MMP16: variants seen among roughly 807,000 people sequenced by gnomAD.
MMP16 encodes matrix metalloproteinase-16.
A neutral mutation model predicts 67.8 loss-of-function variants in MMP16; 12 were observed. That is an observed-to-expected ratio of 0.18 (90% CI 0.11 to 0.29). The LOEUF is 0.29. MMP16 is among the 10% of genes least tolerant of loss of function. The probability of loss-of-function intolerance (pLI) is 1.00; values close to 1 mark genes in which losing one functional copy is unlikely to be tolerated. For synonymous variants in MMP16, 249 were observed against 255.9 expected (o/e 0.97, Z 0.26); for missense variants, 475 against 765.7 (o/e 0.62, Z 4.48).
chr8:88,252,352 T>C (rs1454298778), intron 1 of MMP16, among the ~76,000 whole-genome samples: 2 of 152,082 alleles, frequency 1.3e-5, no homozygotes, highest in East Asian at 3.9e-4. Flanking sequence ...ATGCTCATTA[T>C]CTTAATGGAC....
intron 1 of MMP16, among the ~76,000 whole-genome samples, chr8:88,248,612 C>T (rs982231861): frequency 6.6e-6 from 1 of 151,984 alleles, no homozygotes; most frequent in Non-Finnish European, 1.5e-5. Context: ...GTGCTCATGG[C>T]TTCTAGTGCC....
chr8:88,320,932 T>A (rs1468775244), intron 1 of MMP16, among the ~76,000 whole-genome samples: 1 of 152,056 alleles, frequency 6.6e-6, no homozygotes, highest in Admixed American at 6.6e-5. Flanking sequence ...GCAAAAAATA[T>A]CAATTCAGAG....
intron 1 of MMP16, among the ~76,000 whole-genome samples, chr8:88,298,299 G>T (rs1811042930): frequency 6.6e-6 from 1 of 152,190 alleles, no homozygotes; most frequent in Non-Finnish European, 1.5e-5. Context: ...GCACATCCAT[G>T]TGACTATCAA....
chr8:88,094,558 T>A (rs17664373), intron 6 of MMP16, among the ~76,000 whole-genome samples: 77,892 of 151,056 alleles, frequency 0.52, 20,430 homozygotes, highest in African/African-American at 0.58. Context: ...TAGTTTTTGT[T>A]GCAAAGATCT....
At chr8:88,049,882 G>C (rs1159070875) in intron 8 of MMP16, among the ~76,000 whole-genome samples, 1 of 152,096 alleles carries the variant, frequency 6.6e-6, no homozygotes, top group Non-Finnish European at 1.5e-5. Context: ...AAAACTAGCT[G>C]GGCATGGTGG....
chr8:88,204,965 T>G (rs1019347110), intron 1 of MMP16, among the ~76,000 whole-genome samples: 10 of 152,162 alleles, frequency 6.6e-5, no homozygotes, highest in Non-Finnish European at 1.5e-5. Context: ...ATTTTGTCTC[T>G]CAAACTATTC....
chr8:88,235,814 T>G (rs1252848231), intron 1 of MMP16, among the ~76,000 whole-genome samples: 1 of 152,192 alleles, frequency 6.6e-6, no homozygotes, highest in South Asian at 2.1e-4. Context: ...ACAATGGACT[T>G]AATGTTCAAA....
intron 1 of MMP16, among the ~76,000 whole-genome samples, chr8:88,276,315 T>G (rs1382196197): frequency 6.6e-6 from 1 of 152,146 alleles, no homozygotes; most frequent in African/African-American, 2.4e-5. Context: ...TGTGTGCATG[T>G]GCACGTGTTT....
rs1359963586 is a variant in MMP16 at position 88,036,296 on chromosome 8, C to T, written c.*5165G>A. 6 of 151,680 alleles carry T rather than the reference C, an allele frequency of 4.0e-5. No homozygotes were observed. Among genetic ancestry groups the T allele is most frequent in the African/African-American group, 1.5e-4 (6 of 41,354 alleles). The allele number at this position is 151,680 out of a possible 1,614,324, so 9.4% of individuals were successfully genotyped here. ...AAAGAGCTTGAAGTTGGATTTTTTT[C>T]CTCCACTATTTTATGCTTGCTAAAG... On this transcript the variant is annotated 3_prime_UTR_variant, in exon 10 of 10. Coordinates refer to ENST00000286614, the MANE Select transcript of MMP16 (RefSeq NM_005941.5).
intron 3 of MMP16, among the ~76,000 whole-genome samples, chr8:88,169,959 T>C (rs1158414924): frequency 1.3e-5 from 2 of 152,206 alleles, no homozygotes; most frequent in East Asian, 3.8e-4. Flanking sequence ...GTTGAAAATA[T>C]ATTGACGTAG....
At chr8:88,186,012 G>GAAAATACTT (rs1355976029) in intron 3 of MMP16, among the ~76,000 whole-genome samples, 1 of 152,078 alleles carries the variant, frequency 6.6e-6, no homozygotes, top group East Asian at 1.9e-4. Context: ...CTCTAGGTTG[G>GAAAATACTT]AAAATACTTT....
Position 88,145,268 on chromosome 8 carries a change from T to G in MMP16, c.709+22401A>C, listed in dbSNP as rs79170536. On this transcript the variant is annotated intron_variant, in intron 4 of 9. Transcript: ENST00000286614. ...CTACAAACCTGAACAGCCATGTTCC[T>G]GTGCTGAAAACTGTAGGTAACTGTA... Among the ~76,000 whole-genome samples the G allele has an allele frequency of 3.8e-3, 572 of 152,128 alleles. 6 individuals are homozygous for G. Among genetic ancestry groups the G allele is most frequent in the African/African-American group, 0.012 (501 of 41,556 alleles).
intron 4 of MMP16, among the ~76,000 whole-genome samples, chr8:88,130,842 A>G (rs1038246182): frequency 1.3e-5 from 2 of 151,472 alleles, no homozygotes; most frequent in Non-Finnish European, 3.0e-5. Flanking sequence ...ATTTTTACAG[A>G]TTCTAAGGAA....
intron 7 of MMP16, among the ~76,000 whole-genome samples, chr8:88,072,007 G>C (rs187195321): frequency 4.1e-4 from 63 of 152,202 alleles, no homozygotes; most frequent in Admixed American, 3.9e-3. Context: ...TGATATTCTA[G>C]TGGGAAGGAT....
intron 6 of MMP16, among the ~76,000 whole-genome samples, chr8:88,084,603 G>A (rs1374601870): frequency 6.6e-6 from 1 of 151,870 alleles, no homozygotes; most frequent in Non-Finnish European, 1.5e-5. Flanking sequence ...ACTTTGTTTC[G>A]CCAAACACTT....
At chr8:88,117,331 G>A (rs1295417790) in intron 5 of MMP16, among the ~76,000 whole-genome samples, 1 of 152,184 alleles carries the variant, frequency 6.6e-6, no homozygotes, top group East Asian at 1.9e-4. Context: ...AAATATTAAT[G>A]TGAAGAAGTA....
intron 7 of MMP16, among the ~76,000 whole-genome samples, chr8:88,061,210 T>A (rs1186538413): frequency 6.8e-6 from 1 of 148,116 alleles, no homozygotes; most frequent in Non-Finnish European, 1.5e-5. Flanking sequence ...CTTGCCAGAG[T>A]CAGTGAGTTG....
intron 1 of MMP16, among the ~76,000 whole-genome samples, chr8:88,197,633 C>T (rs1036482169): frequency 2.0e-5 from 3 of 152,084 alleles, no homozygotes; most frequent in African/African-American, 7.2e-5. Context: ...CCTCTAGGAC[C>T]TCAACCTCCC....
At chr8:88,264,015 T>C (rs1810432807) in intron 1 of MMP16, among the ~76,000 whole-genome samples, 3 of 136,754 alleles carry the variant, frequency 2.2e-5, no homozygotes, top group Admixed American at 1.5e-4. Flanking sequence ...TGTGTGCAAC[T>C]TCCCTACAAA....
Sources: allele counts gnomAD v4.1 joint callset (sites outside exome capture counted in the v4.1 genomes callset), GRCh38; gene constraint gnomAD v4.1.1; transcripts MANE v1.5; gene names NCBI Gene and HGNC (gene_info 2026-07-23, HGNC 2026-07-21).